The following PLEKHA6 variants were observed in gnomAD, a reference collection of about 807,000 sequenced individuals.
PLEKHA6 encodes the protein pleckstrin homology domain containing A6.
A neutral mutation model predicts 116.7 loss-of-function variants in PLEKHA6; 60 were observed. That is an observed-to-expected ratio of 0.51 (90% CI 0.42 to 0.64). The LOEUF is 0.64. Ranked by LOEUF, PLEKHA6 falls within the 30% of genes least tolerant of loss-of-function variation. The pLI, the probability that PLEKHA6 is intolerant of heterozygous loss-of-function variation, is 0.00. For synonymous variants in PLEKHA6, 489 were observed against 556.1 expected, an observed-to-expected ratio of 0.88 and a Z score of 1.70; for missense variants, 1,338 against 1,422.7, an observed-to-expected ratio of 0.94 and a Z score of 0.96.
chr1:204,220,525 T>C lies in PLEKHA6; in HGVS notation c.*2263A>G, dbSNP rs1659536403. 2.0e-5 allele frequency: 3 copies of C among 152,556 alleles called. No homozygotes were observed. 9.5% of individuals were successfully genotyped at this position (152,556 alleles called of 1,614,324 possible). A position where few individuals can be genotyped will look rare whatever the true frequency, so the allele number is the denominator to read the frequency against. On this transcript the variant is annotated 3_prime_UTR_variant, in exon 23 of 23. Transcript: ENST00000272203. ...CTCATTTGCCAATTCCATTCAGACA[T>C]TGCACAATTTGAAAATAGATTTGCT... is the stretch of plus-strand genomic sequence containing the variant.
intron 1 of PLEKHA6, among the ~76,000 whole-genome samples, chr1:204,285,648 T>C (rs1392110313): frequency 6.6e-6 from 1 of 152,176 alleles, no homozygotes; most frequent in African/African-American, 2.4e-5. Context: ...GCTAATTTGT[T>C]GTATTTTTAG....
intron 1 of PLEKHA6, among the ~76,000 whole-genome samples, chr1:204,283,258 C>T (rs1158980001): frequency 1.3e-5 from 2 of 151,910 alleles, no homozygotes; most frequent in Non-Finnish European, 2.9e-5. Context: ...GATCTCTCTC[C>T]TTCCCCATCC....
At chr1:204,347,663 A>G (rs141659765) in intron 1 of PLEKHA6, among the ~76,000 whole-genome samples, 2,519 of 151,988 alleles carry the variant, frequency 0.017, 70 homozygotes, top group African/African-American at 0.057. Flanking sequence ...AGAAATTATA[A>G]AAGTATTAAT....
Position 204,247,380 on chromosome 1 carries a change from G to A in PLEKHA6, c.1905C>T (p.Leu635=). Residue 635 remains leucine (L), a synonymous_variant, in exon 13 of 23, where the codon CTC becomes CTT. Transcript: ENST00000272203. ...CCTTCTTCACCTGGGTGTCCAAATT[G>A]AGCTGCTCCCAGAGGTCATCGTGCA... ...SALHDDLWEQ[L]NLDTQNEVLN... The A allele has an allele frequency of 6.2e-7, 1 of 1,610,838 alleles. No individual in the cohort carries two copies. The highest frequency in any genetic ancestry group is 1.7e-5 in the Admixed American group (1 of 60,018).
At position 204,241,702 on chromosome 1, in the gene PLEKHA6, T is replaced by C; in HGVS notation, c.2285A>G (p.Gln762Arg). ...GAAAGTACCTTTGTTGAGAGCTGCCTGCTTCTCTGCCTCTACCTCTTGCCT... is the reference window on the plus strand; with the variant it reads ...GAAAGTACCTTTGTTGAGAGCTGCCCGCTTCTCTGCCTCTACCTCTTGCCT... ...PTRQEVEAEK[Q>R]AALNKVGVVP... The change falls in exon 16 of 23, where the codon CAG becomes CGG. Residue 762 changes from glutamine to arginine, a missense_variant. Gln to Arg is a conservative substitution (Grantham distance 43). Coordinates refer to ENST00000272203, the MANE Select transcript of PLEKHA6 (RefSeq NM_014935.5). The C allele has an allele frequency of 1.9e-6, 3 of 1,602,416 alleles. No homozygotes were observed. Among genetic ancestry groups the C allele is most frequent in the Non-Finnish European group, 2.6e-6 (3 of 1,175,540 alleles).
chr1:204,241,121 A>G (rs1015502182), intron 17 of PLEKHA6, among the ~76,000 whole-genome samples: 1 of 152,092 alleles, frequency 6.6e-6, no homozygotes, highest in African/African-American at 2.4e-5. Flanking sequence ...CTTTACACAT[A>G]TATATTATAT....
chr1:204,355,630 G>T (rs1024870927), intron 1 of PLEKHA6, among the ~76,000 whole-genome samples: 1 of 150,706 alleles, frequency 6.6e-6, no homozygotes, highest in South Asian at 2.1e-4. Flanking sequence ...AACAGAGATG[G>T]GGTTTCACCA....
At chr1:204,296,813 CAG>C (rs1272458739) in intron 1 of PLEKHA6, among the ~76,000 whole-genome samples, 4 of 152,354 alleles carry the variant, frequency 2.6e-5, no homozygotes, top group African/African-American at 7.2e-5. Context: ...CTACTCAGAG[CAG>C]AGAGTGGGGC....
At chr1:204,304,123 CTA>C (rs1245597038) in intron 1 of PLEKHA6, among the ~76,000 whole-genome samples, 1 of 152,210 alleles carries the variant, frequency 6.6e-6, no homozygotes, top group African/African-American at 2.4e-5. Flanking sequence ...GTTTCTCACA[CTA>C]TTCCCAAAAT....
At chr1:204,334,848 AG>A (rs1355715620) in intron 1 of PLEKHA6, among the ~76,000 whole-genome samples, 23 of 152,306 alleles carry the variant, frequency 1.5e-4, no homozygotes, top group African/African-American at 5.3e-4. Flanking sequence ...ACATGAGCCA[AG>A]ATTGCACTAC....
chr1:204,296,509 C>T (rs575054198), intron 1 of PLEKHA6, among the ~76,000 whole-genome samples: 213 of 152,332 alleles, frequency 1.4e-3, no homozygotes, highest in Admixed American at 2.2e-3. Context: ...ACTCGCTTTG[C>T]TGTGGGTAGC....
intron 1 of PLEKHA6, among the ~76,000 whole-genome samples, chr1:204,307,694 C>T (rs1558169355): frequency 6.6e-6 from 1 of 152,246 alleles, no homozygotes; most frequent in African/African-American, 2.4e-5. Flanking sequence ...CTCCCTACCC[C>T]GCCTGCTCAT....
intron 1 of PLEKHA6, among the ~76,000 whole-genome samples, chr1:204,275,973 G>T (rs549510004): frequency 6.6e-6 from 1 of 152,294 alleles, no homozygotes; most frequent in African/African-American, 2.4e-5. Context: ...CTTGACAAGT[G>T]GCAGGTCAGC....
At chr1:204,245,025 G>A in intron 14 of PLEKHA6, 22 bp from the exon 15 acceptor site, 1 of 1,399,628 alleles carries the variant, frequency 7.1e-7, no homozygotes, top group Non-Finnish European at 9.3e-7. Context: ...CAAGGGGATG[G>A]GTGAGCAATG....
rs917508015 is a variant in PLEKHA6 at position 204,354,488 on chromosome 1, G to A, written c.-95+5206C>T. ...TCTTTGAGTTAAAGCCTTGCCTTCC[G>A]AAATATGATGTTCAGTAACTGACAT... is the stretch of plus-strand genomic sequence containing the variant. On this transcript the variant is annotated intron_variant, in intron 1 of 22. Transcript: ENST00000272203. 5.3e-5 allele frequency among the ~76,000 whole-genome samples: 8 copies of A among 152,198 alleles called. 1 individual carries two copies. The highest frequency in any genetic ancestry group is 6.3e-3 in the Middle Eastern group (2 of 316).
In PLEKHA6 at chr1:204,303,914, C is replaced by G. The variant is rs183849581; in HGVS notation, c.-94-29105G>C. Among the ~76,000 whole-genome samples, 454 of 152,140 alleles carry G rather than the reference C, an allele frequency of 3.0e-3. 5 individuals carry two copies. Among genetic ancestry groups the G allele is most frequent in the African/African-American group, 0.011 (440 of 41,486 alleles). On this transcript the variant is annotated intron_variant, in intron 1 of 22. Coordinates refer to ENST00000272203, the MANE Select transcript of PLEKHA6 (RefSeq NM_014935.5). The stretch of plus-strand genomic sequence containing the variant: ...TTTTTTTGTAGAGACGGGATTTCAC[C>G]GTGTTGCCCAGGCTTGTCTTGAACT...
At chr1:204,314,907 A>C (rs778029831) in intron 1 of PLEKHA6, among the ~76,000 whole-genome samples, 3 of 152,102 alleles carry the variant, frequency 2.0e-5, no homozygotes, top group Non-Finnish European at 2.9e-5. Context: ...AGTGACTCCA[A>C]ATCCAACCCC....
chr1:204,312,496 T>C (rs901006961), intron 1 of PLEKHA6, among the ~76,000 whole-genome samples: 1 of 152,212 alleles, frequency 6.6e-6, no homozygotes, highest in African/African-American at 2.4e-5. Context: ...TGCTTGGGTC[T>C]GGCTCCAGGC....
chr1:204,239,789 A>G (rs957790633), intron 17 of PLEKHA6, among the ~76,000 whole-genome samples: 1 of 152,206 alleles, frequency 6.6e-6, no homozygotes, highest in Non-Finnish European at 1.5e-5. Context: ...GTTCTGAATC[A>G]GCATCCAATA....
Sources: allele counts gnomAD v4.1 joint callset (sites outside exome capture counted in the v4.1 genomes callset), GRCh38; gene constraint gnomAD v4.1.1; transcripts MANE v1.5; gene names NCBI Gene and HGNC (gene_info 2026-07-23, HGNC 2026-07-21).